Variants in INVS observed in about 807,000 individuals in gnomAD.
The protein encoded by INVS is inversin.
In INVS, 86 loss-of-function variants were observed where a neutral mutation model predicts 108.8. The ratio of observed to expected loss-of-function variants is 0.79; its 90% CI spans 0.66 to 0.95. INVS has a LOEUF of 0.95. Among genes scored for constraint, INVS ranks in the 40% least tolerant of loss-of-function variants. The pLI, the probability that INVS is intolerant of heterozygous loss-of-function variation, is 0.00. For missense variants in INVS, 1,169 were observed against 1,297.4 expected (o/e 0.90, Z 1.52); for synonymous variants, 455 against 473.5 (o/e 0.96, Z 0.51).
rs546933178 is a variant in INVS at position 100,272,787 on chromosome 9, A to C, written c.1572-77A>C. 3 of 1,310,624 alleles carry C rather than the reference A, an allele frequency of 2.3e-6. No individual in the cohort carries two copies. In the South Asian group the frequency reaches 3.6e-5, roughly 16 times the overall value. 81.2% of individuals were successfully genotyped at this position (1,310,624 alleles called of 1,614,324 possible). A position where few individuals can be genotyped will look rare whatever the true frequency, so the allele number is the denominator to read the frequency against. ...AGAATGAAGTTTCCTTCTGCTGCAT[A>C]ATAATATTTTCAGTTTAACTGTGCC... On this transcript the variant is annotated intron_variant, in intron 11 of 16. Transcript: ENST00000262457.
At chr9:100,296,817 T>A in intron 14 of INVS, 100 bp from the exon 15 acceptor site, 1 of 930,390 alleles carries the variant, frequency 1.1e-6, no homozygotes, top group South Asian at 1.4e-5. Flanking sequence ...CTACCAGGAA[T>A]TCAGCAAATA....
At chr9:100,283,270 C>T (rs904955629) in intron 12 of INVS, among the ~76,000 whole-genome samples, 1 of 152,130 alleles carries the variant, frequency 6.6e-6, no homozygotes, top group Non-Finnish European at 1.5e-5. Context: ...TACCACTGCA[C>T]AGTGCACTCT....
chr9:100,243,440 A>G (rs542600097), intron 7 of INVS, among the ~76,000 whole-genome samples: 1 of 152,302 alleles, frequency 6.6e-6, no homozygotes, highest in African/African-American at 2.4e-5. Context: ...TCTCATTACT[A>G]CTAGTGTTGA....
rs561761997 is a variant in INVS, at chr9:100,218,723, T to A, written c.274-7339T>A. ...GAAAATTCTTAGAATTTTGGAATAT[T>A]CTTTGCCTCACTATGAGGCTACAGC... On this transcript the variant is annotated intron_variant, in intron 3 of 16. Transcript: ENST00000262457. 4.6e-4 allele frequency among the ~76,000 whole-genome samples: 70 copies of A among 152,282 alleles called. 1 individual carries two copies. In the South Asian group the frequency reaches 0.014, roughly 31 times the overall value.
intron 3 of INVS, among the ~76,000 whole-genome samples, chr9:100,182,882 C>T (rs1467300277): frequency 6.6e-6 from 1 of 152,158 alleles, no homozygotes; most frequent in Admixed American, 6.5e-5. Flanking sequence ...ACCCAAATGC[C>T]CATCAGTGAT....
At chr9:100,231,234 G>T (rs962260391) in intron 5 of INVS, among the ~76,000 whole-genome samples, 1 of 151,786 alleles carries the variant, frequency 6.6e-6, no homozygotes, top group Non-Finnish European at 1.5e-5. Context: ...TTTTTTAATC[G>T]TTTTTTACAA....
rs577665040 is a variant in INVS, at chr9:100,217,934, A to G, written c.274-8128A>G. ...GATATTTGCGACCTATATACTTCCTAGGGATAGTAATTCTTTTTACAAATT... is the reference window on the plus strand; with the variant it reads ...GATATTTGCGACCTATATACTTCCTGGGGATAGTAATTCTTTTTACAAATT... On this transcript the variant is annotated intron_variant, in intron 3 of 16. Coordinates refer to ENST00000262457, the MANE Select transcript of INVS (RefSeq NM_014425.5). 5.3e-5 allele frequency among the ~76,000 whole-genome samples: 8 copies of G among 152,266 alleles called. No homozygotes were observed. In the East Asian group the frequency reaches 1.4e-3, roughly 26 times the overall value.
In INVS at chr9:100,264,496, T is replaced by C. The variant is rs145650045; in HGVS notation, c.1465-326T>C. Among the ~76,000 whole-genome samples the C allele has an allele frequency of 9.3e-3, 1,415 of 152,032 alleles. 23 individuals are homozygous for C. Among genetic ancestry groups the C allele is most frequent in the African/African-American group, 0.032 (1,335 of 41,446 alleles). On this transcript the variant is annotated intron_variant, in intron 10 of 16. Coordinates refer to ENST00000262457, the MANE Select transcript of INVS (RefSeq NM_014425.5). The stretch of plus-strand genomic sequence containing the variant: ...AGCTGGGCATGGCGGCGGGCACCTG[T>C]AATCCCAGCTACTTGGGAGGCTGAG...
Position 100,300,824 on chromosome 9 carries a change from T to C in INVS, c.*150T>C. The C allele has an allele frequency of 1.5e-6, 1 of 675,256 alleles. No individual in the cohort carries two copies. 41.8% of individuals were successfully genotyped at this position (675,256 alleles called of 1,614,324 possible). A position where few individuals can be genotyped will look rare whatever the true frequency, so the allele number is the denominator to read the frequency against. Reference sequence around the variant, plus strand: ...TAAAAATGTGTTAACTGAAAGAAAATGTCAGAATGTTTCCTTTCTGCTCTT... The same window carrying C: ...TAAAAATGTGTTAACTGAAAGAAAACGTCAGAATGTTTCCTTTCTGCTCTT... On this transcript the variant is annotated 3_prime_UTR_variant, in exon 17 of 17. Coordinates refer to ENST00000262457, the MANE Select transcript of INVS (RefSeq NM_014425.5).
intron 5 of INVS, among the ~76,000 whole-genome samples, chr9:100,234,275 T>A (rs1290923933): frequency 1.3e-5 from 2 of 152,228 alleles, no homozygotes; most frequent in African/African-American, 4.8e-5. Context: ...TTTATTAGTC[T>A]GGCTAGTGGT....
At chr9:100,198,264 A>ATTTTTTTTTTTTTTTTTTTTTTTT (rs66710233) in intron 3 of INVS, among the ~76,000 whole-genome samples, 3 of 65,286 alleles carry the variant, frequency 4.6e-5, no homozygotes, top group Non-Finnish European at 8.4e-5. Context: ...GAGGGCTAGA[A>ATTTTTTTTTTTTTTTTTTTTTTTT]TTTTTTTTTT....
At chr9:100,263,662 C>G (rs1832697923) in intron 10 of INVS, among the ~76,000 whole-genome samples, 1 of 152,182 alleles carries the variant, frequency 6.6e-6, no homozygotes, top group African/African-American at 2.4e-5. Context: ...AACCTTAATT[C>G]TTCCTTCTCA....
intron 11 of INVS, among the ~76,000 whole-genome samples, chr9:100,265,982 A>C (rs1375637209): frequency 6.6e-6 from 1 of 152,118 alleles, no homozygotes; most frequent in East Asian, 1.9e-4. Context: ...AGGAGGCTGA[A>C]GCAGGAGAAT....
chr9:100,284,398 G>A lies in INVS; in HGVS notation c.1863G>A (p.Gln621=). The A allele has an allele frequency of 6.2e-7, 1 of 1,614,018 alleles. No homozygotes were observed. Among genetic ancestry groups the A allele is most frequent in the East Asian group, 2.2e-5 (1 of 44,888 alleles). ...GGAGCCCAGATTCCTGCAGACCCCAGGCCCTTCCCTGTCTGCCTAGCACCC... is the reference window on the plus strand; with the variant it reads ...GGAGCCCAGATTCCTGCAGACCCCAAGCCCTTCCCTGTCTGCCTAGCACCC... ...GRRSPDSCRP[Q]ALPCLPSTQD... Residue 621 remains glutamine (Q), a synonymous_variant, in exon 13 of 17, where the codon CAG becomes CAA. Transcript: ENST00000262457.
At position 100,284,534 on chromosome 9, in the gene INVS, G is replaced by A; in HGVS notation, c.1999G>A (p.Gly667Ser). ...DSRGSPGGSLGGALQKEQHVS... is the reference protein window; with the variant it reads ...DSRGSPGGSLSGALQKEQHVS... ...CAGAGGATCTCCAGGAGGGTCTCTA[G>A]GCGGAGCCCTCCAGAAGGAGCAGCA... The change falls in exon 13 of 17, where the codon GGC becomes AGC. Residue 667 changes from glycine to serine, a missense_variant. By Grantham distance (56) the Gly-to-Ser change is moderately conservative. This residue lies in a region of INVS where 533 missense variants were observed against 536.0 expected (regional missense o/e 0.99). Coordinates refer to ENST00000262457, the MANE Select transcript of INVS (RefSeq NM_014425.5). 6.2e-7 allele frequency: 1 copy of A among 1,613,990 alleles called. No individual in the cohort carries two copies. Among genetic ancestry groups the A allele is most frequent in the Non-Finnish European group, 8.5e-7 (1 of 1,179,908 alleles).
At chr9:100,282,744 G>A (rs1833319305) in intron 12 of INVS, among the ~76,000 whole-genome samples, 1 of 152,084 alleles carries the variant, frequency 6.6e-6, no homozygotes, top group African/African-American at 2.4e-5. Flanking sequence ...GAGCAAGGTG[G>A]GCCTTACAAA....
At position 100,300,605 on chromosome 9, in the gene INVS, T is replaced by C. The variant is rs558853601; in HGVS notation, c.3129T>C (p.Ser1043=). 1.9e-6 allele frequency: 3 copies of C among 1,613,888 alleles called. No individual in the cohort carries two copies. The highest frequency in any genetic ancestry group is 2.2e-5 in the East Asian group (1 of 44,880). Residue 1043 remains serine, a synonymous_variant, in exon 17 of 17, where the codon AGT becomes AGC. Transcript: ENST00000262457. ...NLQCIHLLEN[S]GRSKNFSYNL... is the part of the protein sequence containing the mutation. ...AGTGTATACATCTCCTTGAGAACAG[T>C]GGAAGATCAAAGAACTTTTCTTATA...
intron 10 of INVS, among the ~76,000 whole-genome samples, chr9:100,264,356 G>A (rs1042319362): frequency 3.9e-5 from 6 of 152,108 alleles, no homozygotes; most frequent in East Asian, 1.9e-4. Flanking sequence ...GTTGGCTCAC[G>A]CCTGTAATCC....
chr9:100,130,845 A>T (rs1478715195), intron 3 of INVS: 2 of 152,198 alleles, frequency 1.3e-5, no homozygotes, highest in Non-Finnish European at 2.9e-5. Context: ...TAAGTTGCTT[A>T]CAAAGATCAT....
Sources: gnomAD v4.1 joint callset for allele counts (sites outside exome capture counted in the v4.1 genomes callset) on GRCh38, gnomAD v4.1.1 for gene constraint, gnomAD v4.1.1 regional missense constraint, MANE v1.5 for transcripts, NCBI Gene and HGNC (gene_info 2026-07-23, HGNC 2026-07-21) for gene names.